PTGER3: variants seen among roughly 807,000 people sequenced by gnomAD.
PTGER3 encodes prostaglandin E2 receptor EP3 subtype.
PTGER3 carries 22 observed loss-of-function variants against 34.7 expected under a neutral mutation model. The observed-to-expected ratio is 0.63, with a 90% CI of 0.45 to 0.91. The LOEUF (loss-of-function observed/expected upper bound fraction) is 0.91, where lower values mean the gene tolerates loss of function less well. Among genes scored for constraint, PTGER3 ranks in the 40% least tolerant of loss-of-function variants. The probability of loss-of-function intolerance (pLI) is 0.00; values close to 1 mark genes in which losing one functional copy is unlikely to be tolerated. For synonymous variants in PTGER3, 241 were observed against 230.1 expected (o/e 1.05, Z -0.43); for missense variants, 468 against 519.4 (o/e 0.90, Z 0.96).
intron 1 of PTGER3, among the ~76,000 whole-genome samples, chr1:71,038,734 C>T (rs1660034604): frequency 6.6e-6 from 1 of 152,156 alleles, no homozygotes; most frequent in Non-Finnish European, 1.5e-5. Flanking sequence ...GTTGTCAGGA[C>T]CTGGTCAAAC....
chr1:71,032,431 T>C (rs1257292588), intron 1 of PTGER3, among the ~76,000 whole-genome samples: 1 of 152,252 alleles, frequency 6.6e-6, no homozygotes, highest in African/African-American at 2.4e-5. Flanking sequence ...TTCAAGATGA[T>C]GTATTCAGTA....
At chr1:70,980,872 C>A (rs1654190325) in intron 2 of PTGER3, among the ~76,000 whole-genome samples, 1 of 152,128 alleles carries the variant, frequency 6.6e-6, no homozygotes, top group Non-Finnish European at 1.5e-5. Context: ...ACATTTTAGG[C>A]ATACCTGATT....
In PTGER3 at chr1:70,980,768, T is replaced by C. The variant is rs150942397; in HGVS notation, c.1078-6380A>G. 5.3e-5 allele frequency among the ~76,000 whole-genome samples: 8 copies of C among 152,284 alleles called. No individual in the cohort carries two copies. In the East Asian group the frequency reaches 1.4e-3, roughly 26 times the overall value. On this transcript the variant is annotated intron_variant, in intron 2 of 3. Coordinates refer to ENST00000306666, the MANE Select transcript of PTGER3 (RefSeq NM_198719.2). ...ATAACAAACAGGCCATTTATTATGCTAGCCTCACCTAGAGGTTCTTGTAAG... is the reference window on the plus strand; with the variant it reads ...ATAACAAACAGGCCATTTATTATGCCAGCCTCACCTAGAGGTTCTTGTAAG...
intron 4 of PTGER3, among the ~76,000 whole-genome samples, chr1:70,862,058 T>C (rs899835740): frequency 6.6e-6 from 1 of 151,954 alleles, no homozygotes; most frequent in African/African-American, 2.4e-5. Context: ...ATAAAACTGT[T>C]GTGAAAGCCC....
chr1:70,980,889 G>A (rs1035489190), intron 2 of PTGER3, among the ~76,000 whole-genome samples: 15 of 152,096 alleles, frequency 9.9e-5, no homozygotes, highest in African/African-American at 3.1e-4. Context: ...GATTGGACAA[G>A]GTGTGCAAGC....
intron 1 of PTGER3, among the ~76,000 whole-genome samples, chr1:71,016,815 AT>A (rs1657947936): frequency 6.6e-6 from 1 of 151,846 alleles, no homozygotes; most frequent in Non-Finnish European, 1.5e-5. Flanking sequence ...AAAAAAAAAA[AT>A]TGTATGTATA....
chr1:70,985,169 T>G (rs1654794879), intron 2 of PTGER3, among the ~76,000 whole-genome samples: 1 of 151,624 alleles, frequency 6.6e-6, no homozygotes, highest in African/African-American at 2.4e-5. Context: ...GGCCTCAGAG[T>G]CAAAATCCAG....
intron 1 of PTGER3, among the ~76,000 whole-genome samples, chr1:71,023,819 T>G (rs1658640068): frequency 6.6e-6 from 1 of 151,188 alleles, no homozygotes; most frequent in South Asian, 2.1e-4. Context: ...CCAACTAACC[T>G]CTTATGGTTT....
intron 1 of PTGER3, among the ~76,000 whole-genome samples, chr1:71,020,489 T>C (rs889453750): frequency 9.9e-5 from 15 of 152,060 alleles, no homozygotes; most frequent in African/African-American, 3.6e-4. Flanking sequence ...TTTTTTTTGA[T>C]GATTTTTGGG....
intron 1 of PTGER3, among the ~76,000 whole-genome samples, chr1:71,037,243 C>A (rs953295590): frequency 6.6e-6 from 1 of 152,198 alleles, no homozygotes; most frequent in African/African-American, 2.4e-5. Context: ...TGATTATCTA[C>A]TGTCTGTCTA....
chr1:71,023,826 GT>G lies in PTGER3; in HGVS notation c.898-11343del, dbSNP rs796706220. On this transcript the variant is annotated intron_variant, in intron 1 of 3. Transcript: ENST00000306666. ...CGGAGTCTCCAACTAACCTCTTATG[GT>G]TTTTTTTTTAATCTATCACTTCTCT... Among the ~76,000 whole-genome samples the G allele has an allele frequency of 3.7e-3, 550 of 147,572 alleles. 15 individuals are homozygous for G. The highest frequency in any genetic ancestry group is 0.013 in the African/African-American group (500 of 39,850).
chr1:70,853,477 C>T (rs1352587500), intron 4 of PTGER3, among the ~76,000 whole-genome samples: 1 of 152,006 alleles, frequency 6.6e-6, no homozygotes, highest in African/African-American at 2.4e-5. Flanking sequence ...AAAATGTGGA[C>T]CTTGTTTAGA....
chr1:70,881,385 C>G (rs1286229069), intron 4 of PTGER3, among the ~76,000 whole-genome samples: 1 of 152,186 alleles, frequency 6.6e-6, no homozygotes, highest in Admixed American at 6.5e-5. Flanking sequence ...TCATTTCTAT[C>G]CGTATTCTGA....
chr1:71,047,177 C>T lies in PTGER3; in HGVS notation c.401G>A (p.Gly134Glu). ...GAGCCCGAAAACAGTCATGGTCAGC[C>T]CGAAAAAGGTGCAGAGCCGCCCCGA... ...DPSGRLCTFF[G>E]LTMTVFGLSS... Residue 134 changes from glycine to glutamate, a missense_variant, in exon 1 of 4, where the codon GGG (glycine) becomes GAG (glutamate). By Grantham distance (98) the Gly-to-Glu change is moderately conservative. Transcript: ENST00000306666. The T allele has an allele frequency of 6.2e-7, 1 of 1,600,402 alleles. No individual in the cohort carries two copies. Among genetic ancestry groups the T allele is most frequent in the Non-Finnish European group, 8.5e-7 (1 of 1,173,756 alleles).
chr1:70,997,721 G>C (rs576994106), intron 2 of PTGER3, among the ~76,000 whole-genome samples: 1 of 152,302 alleles, frequency 6.6e-6, no homozygotes, highest in Admixed American at 6.5e-5. Flanking sequence ...AATGCATTTA[G>C]TGACACATAA....
chr1:71,011,440 G>A (rs901018863), intron 2 of PTGER3: 4 of 985,194 alleles, frequency 4.1e-6, no homozygotes, highest in Non-Finnish European at 4.8e-6. Context: ...TGCTCAAATC[G>A]GTCCTTACAT....
intron 4 of PTGER3, among the ~76,000 whole-genome samples, chr1:70,884,557 G>T (rs1646458598): frequency 6.6e-6 from 1 of 152,196 alleles, no homozygotes; most frequent in African/African-American, 2.4e-5. Flanking sequence ...AGCCTCAAAT[G>T]AGACCACAGC....
At chr1:70,908,450 C>T (rs890101717) in intron 4 of PTGER3, among the ~76,000 whole-genome samples, 10 of 152,152 alleles carry the variant, frequency 6.6e-5, no homozygotes, top group Admixed American at 5.2e-4. Flanking sequence ...AGCAGGATAA[C>T]TCTGATGCTT....
chr1:70,968,565 T>C (rs1253001244), downstream of PTGER3, among the ~76,000 whole-genome samples: 5 of 152,088 alleles, frequency 3.3e-5, no homozygotes, highest in Non-Finnish European at 4.4e-5. Flanking sequence ...ACCCAGAGTA[T>C]TTGAGTACAC....
Sources: gnomAD v4.1 joint callset for allele counts (sites outside exome capture counted in the v4.1 genomes callset) on GRCh38, gnomAD v4.1.1 for gene constraint, MANE v1.5 for transcripts, NCBI Gene and HGNC (gene_info 2026-07-23, HGNC 2026-07-21) for gene names.